SPHKAP: variants seen among roughly 807,000 people sequenced by gnomAD.
SPHKAP encodes the protein A-kinase anchor protein SPHKAP.
SPHKAP carries 67 observed loss-of-function variants against 137.5 expected under a neutral mutation model. That is an observed-to-expected ratio of 0.49 (90% CI 0.40 to 0.60). SPHKAP has a LOEUF of 0.60. Among genes scored for constraint, SPHKAP ranks in the 20% least tolerant of loss-of-function variants. The pLI is 0.00. For missense variants in SPHKAP, 2,097 were observed against 2,069.3 expected (o/e 1.01, Z -0.26); for synonymous variants, 813 against 785.3 (o/e 1.04, Z -0.59).
intron 3 of SPHKAP, among the ~76,000 whole-genome samples, chr2:228,072,433 A>T (rs1196851589): frequency 6.6e-6 from 1 of 152,160 alleles, no homozygotes; most frequent in Admixed American, 6.5e-5. Context: ...GACCAGACAC[A>T]TTGAGAAGCT....
At chr2:228,171,797 GGT>G (rs1559213940) in intron 1 of SPHKAP, among the ~76,000 whole-genome samples, 4 of 152,238 alleles carry the variant, frequency 2.6e-5, no homozygotes, top group African/African-American at 9.6e-5. Context: ...GAGTCTTGAA[GGT>G]GTCAGGAGAG....
At chr2:228,082,623 C>T (rs571617362) in intron 3 of SPHKAP, among the ~76,000 whole-genome samples, 9 of 152,210 alleles carry the variant, frequency 5.9e-5, no homozygotes, top group Non-Finnish European at 7.4e-5. Flanking sequence ...TCAGTCACCA[C>T]GAAGTCACAG....
chr2:228,001,487 G>T (rs190039792), intron 7 of SPHKAP, among the ~76,000 whole-genome samples: 1 of 132,148 alleles, frequency 7.6e-6, no homozygotes, highest in Non-Finnish European at 1.6e-5. Flanking sequence ...ATATATATAC[G>T]TATATATAAG....
chr2:228,126,539 A>C (rs2106369079), intron 2 of SPHKAP, among the ~76,000 whole-genome samples: 1 of 152,362 alleles, frequency 6.6e-6, no homozygotes, highest in South Asian at 2.1e-4. Context: ...CTCTTAAAAA[A>C]GAGGGAGAGA....
At chr2:227,993,253 G>A (rs1693485868) in intron 9 of SPHKAP, among the ~76,000 whole-genome samples, 1 of 152,172 alleles carries the variant, frequency 6.6e-6, no homozygotes, top group African/African-American at 2.4e-5. Flanking sequence ...ATGGGTTCTT[G>A]CTTCTGTTTC....
chr2:228,096,674 G>C (rs2106333574), intron 3 of SPHKAP, among the ~76,000 whole-genome samples: 1 of 151,086 alleles, frequency 6.6e-6, no homozygotes, highest in South Asian at 2.1e-4. Context: ...GTGTCTGCGT[G>C]TGTGTCCACT....
rs11895208 is a variant in SPHKAP, at chr2:228,079,613, G to A, written c.246+29219C>T. Among the ~76,000 whole-genome samples the A allele has an allele frequency of 9.6e-3, 1,455 of 152,328 alleles. 26 individuals carry two copies. The highest frequency in any genetic ancestry group is 0.033 in the African/African-American group (1,366 of 41,574). ...TAGGCCTACCCCGGTGGATGCATGT[G>A]CCAGGGCCATTCCAGTGCCTGACCA... On this transcript the variant is annotated intron_variant, in intron 3 of 11. Transcript: ENST00000392056.
At chr2:228,172,188 C>T (rs753606846) in intron 1 of SPHKAP, among the ~76,000 whole-genome samples, 6 of 152,064 alleles carry the variant, frequency 3.9e-5, no homozygotes, top group Non-Finnish European at 8.8e-5. Context: ...GATAATGTAG[C>T]ACCGTATTTG....
At chr2:228,060,229 C>T (rs2106285615) in intron 3 of SPHKAP, among the ~76,000 whole-genome samples, 1 of 152,226 alleles carries the variant, frequency 6.6e-6, no homozygotes, top group Middle Eastern at 3.4e-3. Flanking sequence ...ATACTGAGTT[C>T]ATGGCTTTTT....
chr2:227,991,513 A>C (rs1313574842), intron 9 of SPHKAP, 187 bp from the exon 10 acceptor site: 2 of 985,338 alleles, frequency 2.0e-6, no homozygotes. Flanking sequence ...CTGGGTCTGC[A>C]ATAAATGTCC....
intron 3 of SPHKAP, among the ~76,000 whole-genome samples, chr2:228,077,447 C>A (rs1486275952): frequency 3.9e-5 from 6 of 152,214 alleles, no homozygotes; most frequent in Admixed American, 1.3e-4. Flanking sequence ...AGGAACCCAC[C>A]TCTTGCATCA....
Position 228,141,024 on chromosome 2 carries a change from T to C in SPHKAP, c.33-8939A>G, listed in dbSNP as rs192311885. On this transcript the variant is annotated intron_variant, in intron 1 of 11. Transcript: ENST00000392056. ...AAAAAACAGCCTAATAAGACAAGAT[T>C]ATATTGCTGCCAAATAACAGACCTA... 4.6e-5 allele frequency among the ~76,000 whole-genome samples: 7 copies of C among 152,290 alleles called. No individual in the cohort carries two copies. The East Asian group carries it at 1.4e-3, about 29-fold the overall frequency.
intron 3 of SPHKAP, among the ~76,000 whole-genome samples, chr2:228,088,091 G>T (rs1045901589): frequency 6.6e-6 from 1 of 152,082 alleles, no homozygotes; most frequent in South Asian, 2.1e-4. Flanking sequence ...GAGTTGTACT[G>T]CAGTGAAGAA....
intron 7 of SPHKAP, among the ~76,000 whole-genome samples, chr2:228,015,845 A>C (rs1694563164): frequency 6.6e-6 from 1 of 152,238 alleles, no homozygotes. Flanking sequence ...ATGGAGAAGA[A>C]AAATGAGAGG....
intron 1 of SPHKAP, among the ~76,000 whole-genome samples, chr2:228,159,755 G>C (rs1299102389): frequency 6.6e-6 from 1 of 152,136 alleles, no homozygotes; most frequent in Non-Finnish European, 1.5e-5. Context: ...ACTACAGGGG[G>C]CTTCAATCAT....
intron 1 of SPHKAP, among the ~76,000 whole-genome samples, chr2:228,133,216 A>G (rs910485476): frequency 6.6e-6 from 1 of 151,994 alleles, no homozygotes; most frequent in East Asian, 1.9e-4. Context: ...CTGAGGCAGG[A>G]GAATAGCTTG....
At chr2:228,180,242 C>A (rs1700862041) in intron 1 of SPHKAP, among the ~76,000 whole-genome samples, 1 of 152,088 alleles carries the variant, frequency 6.6e-6, no homozygotes, top group South Asian at 2.1e-4. Context: ...TTTGCTATCC[C>A]CGCAGCGAAG....
At chr2:228,065,385 G>T (rs1430964798) in intron 3 of SPHKAP, among the ~76,000 whole-genome samples, 1 of 152,188 alleles carries the variant, frequency 6.6e-6, no homozygotes, top group Non-Finnish European at 1.5e-5. Context: ...GTAAGGCAAG[G>T]ATTGAAAACA....
chr2:228,116,260 T>A (rs139663895), intron 2 of SPHKAP, among the ~76,000 whole-genome samples: 16 of 152,174 alleles, frequency 1.1e-4, no homozygotes, highest in Admixed American at 9.2e-4. Context: ...CTTCCTTATC[T>A]CTGAAATCCA....
Sources: allele counts gnomAD v4.1 joint callset (sites outside exome capture counted in the v4.1 genomes callset), GRCh38; gene constraint gnomAD v4.1.1; transcripts MANE v1.5; gene names NCBI Gene and HGNC (gene_info 2026-07-23, HGNC 2026-07-21).